C10orf90: variants seen among roughly 807,000 people sequenced by gnomAD.
The protein encoded by C10orf90 is chromosome 10 open reading frame 90.
In C10orf90, 56 loss-of-function variants were observed where a neutral mutation model predicts 62.5. The observed-to-expected ratio is 0.90, with a 90% CI of 0.72 to 1.12. The LOEUF (loss-of-function observed/expected upper bound fraction) is 1.12. C10orf90 is among the 50% of genes most tolerant of loss of function. The probability of loss-of-function intolerance (pLI) is 0.00; values close to 1 mark genes in which losing one functional copy is unlikely to be tolerated. For missense variants in C10orf90, 970 were observed against 880.4 expected, an observed-to-expected ratio of 1.10 and a Z score of -1.29; for synonymous variants, 386 against 340.4, an observed-to-expected ratio of 1.13 and a Z score of -1.47.
intron 3 of C10orf90, among the ~76,000 whole-genome samples, chr10:126,511,044 A>T (rs1486641684): frequency 1.3e-5 from 2 of 152,066 alleles, no homozygotes; most frequent in Admixed American, 6.5e-5. Flanking sequence ...CCCACAGAAG[A>T]CTCTGCAGTC....
At chr10:126,630,279 C>T (rs761316622) in intron 2 of C10orf90, among the ~76,000 whole-genome samples, 1 of 152,164 alleles carries the variant, frequency 6.6e-6, no homozygotes, top group Non-Finnish European at 1.5e-5. Flanking sequence ...TGTCTGGACC[C>T]CCACTCTGTG....
chr10:126,529,721 G>T (rs991567486), intron 2 of C10orf90, among the ~76,000 whole-genome samples: 8 of 152,142 alleles, frequency 5.3e-5, no homozygotes, highest in African/African-American at 1.9e-4. Flanking sequence ...ATTAAATATT[G>T]GTGAGGACAT....
chr10:126,508,234 G>A (rs538225204), intron 3 of C10orf90, among the ~76,000 whole-genome samples: 482 of 151,560 alleles, frequency 3.2e-3, no homozygotes, highest in Non-Finnish European at 5.7e-3. Context: ...TAAAAATGCA[G>A]ATTTCTAGAC....
intron 4 of C10orf90, among the ~76,000 whole-genome samples, chr10:126,496,445 A>G (rs1357623316): frequency 6.6e-6 from 1 of 152,218 alleles, no homozygotes; most frequent in Non-Finnish European, 1.5e-5. Flanking sequence ...GAAACCTTCA[A>G]AATATTTTTG....
intron 1 of C10orf90, among the ~76,000 whole-genome samples, chr10:126,655,782 T>A (rs767082993): frequency 2.2e-4 from 34 of 151,364 alleles, no homozygotes; most frequent in Non-Finnish European, 4.3e-4. Context: ...CCCTTTAACT[T>A]TTAACTCAGT....
At chr10:126,470,639 A>G (rs1243940020) in intron 4 of C10orf90, among the ~76,000 whole-genome samples, 3 of 151,598 alleles carry the variant, frequency 2.0e-5, no homozygotes, top group Non-Finnish European at 2.9e-5. Flanking sequence ...GGTCCAAGCT[A>G]CTCTAGAGGC....
intron 4 of C10orf90, among the ~76,000 whole-genome samples, chr10:126,485,284 G>C (rs1007199367): frequency 2.0e-5 from 3 of 152,190 alleles, no homozygotes; most frequent in Non-Finnish European, 2.9e-5. Context: ...CAGACTTCCA[G>C]TCTCCAGAAC....
At chr10:126,522,224 C>G (rs1012665485) in intron 2 of C10orf90, among the ~76,000 whole-genome samples, 1 of 152,076 alleles carries the variant, frequency 6.6e-6, no homozygotes, top group Admixed American at 6.5e-5. Flanking sequence ...GCCAAGATAG[C>G]ACCATTGTAC....
At chr10:126,471,284 G>A (rs1860573397) in intron 4 of C10orf90, among the ~76,000 whole-genome samples, 1 of 152,224 alleles carries the variant, frequency 6.6e-6, no homozygotes. Context: ...GGGGCTGGAG[G>A]AAGCAGACAT....
intron 2 of C10orf90, chr10:126,521,565 T>C (rs750816182): frequency 5.8e-6 from 5 of 858,402 alleles, no homozygotes; most frequent in African/African-American, 1.7e-5. Context: ...GTGACATTTC[T>C]TGTTAGCAGC....
chr10:126,611,379 T>G (rs998673526), intron 2 of C10orf90, among the ~76,000 whole-genome samples: 8 of 152,238 alleles, frequency 5.3e-5, no homozygotes, highest in Non-Finnish European at 1.5e-5. Context: ...ATGGACCACA[T>G]TTTATTGATC....
At chr10:126,659,035 A>T (rs1016415266) in intron 1 of C10orf90, among the ~76,000 whole-genome samples, 1 of 152,238 alleles carries the variant, frequency 6.6e-6, no homozygotes, top group East Asian at 1.9e-4. Context: ...TATATCTGAC[A>T]GCCAGCACAG....
intron 2 of C10orf90, among the ~76,000 whole-genome samples, chr10:126,533,621 G>A (rs1291742644): frequency 2.6e-5 from 4 of 152,178 alleles, no homozygotes; most frequent in African/African-American, 9.6e-5. Flanking sequence ...CCACATTTGA[G>A]TCCTCATTGC....
intron 2 of C10orf90, among the ~76,000 whole-genome samples, chr10:126,599,265 A>T (rs2134038352): frequency 6.7e-6 from 1 of 148,872 alleles, no homozygotes; most frequent in East Asian, 2.0e-4. Flanking sequence ...AGCTTACTGC[A>T]AGCTTCGCCT....
intron 3 of C10orf90, among the ~76,000 whole-genome samples, chr10:126,511,062 C>T (rs1364527169): frequency 6.6e-6 from 1 of 152,222 alleles, no homozygotes; most frequent in Non-Finnish European, 1.5e-5. Context: ...GTCCTCTCCG[C>T]GTTTGCTGCA....
chr10:126,657,454 CA>C (rs1324531223), intron 1 of C10orf90, among the ~76,000 whole-genome samples: 27 of 152,298 alleles, frequency 1.8e-4, no homozygotes, highest in Middle Eastern at 3.4e-3. Flanking sequence ...ATCATATCCT[CA>C]CAGTTCATCC....
At chr10:126,604,536 T>C (rs770882213) in intron 2 of C10orf90, among the ~76,000 whole-genome samples, 1 of 152,206 alleles carries the variant, frequency 6.6e-6, no homozygotes, top group Non-Finnish European at 1.5e-5. Context: ...GGAAAGATAA[T>C]CTGTAAGACA....
chr10:126,454,500 A>G (rs1412826385), intron 7 of C10orf90, among the ~76,000 whole-genome samples: 1 of 151,838 alleles, frequency 6.6e-6, no homozygotes, highest in Non-Finnish European at 1.5e-5. Flanking sequence ...TACGACCTGC[A>G]GGGGCTGACC....
At chr10:126,571,397 T>A (rs1836943) in intron 2 of C10orf90, among the ~76,000 whole-genome samples, 1 of 152,120 alleles carries the variant, frequency 6.6e-6, no homozygotes, top group Non-Finnish European at 1.5e-5. Flanking sequence ...GCAGCGCAGT[T>A]GGGAACCTGC....
Sources: gnomAD v4.1 joint callset for allele counts (sites outside exome capture counted in the v4.1 genomes callset) on GRCh38, gnomAD v4.1.1 for gene constraint, MANE v1.5 for transcripts, NCBI Gene and HGNC (gene_info 2026-07-23, HGNC 2026-07-21) for gene names.